Variants in STK32C observed in about 807,000 individuals in gnomAD.
STK32C encodes serine/threonine kinase 32C.
STK32C carries 31 observed loss-of-function variants against 56.5 expected under a neutral mutation model. The ratio of observed to expected loss-of-function variants is 0.55; its 90% confidence interval spans 0.41 to 0.74. The LOEUF (loss-of-function observed/expected upper bound fraction) is 0.74, where lower values mean the gene tolerates loss of function less well. Ranked by LOEUF, STK32C falls within the 30% of genes least tolerant of loss-of-function variation. The pLI is 0.00. For synonymous variants in STK32C, 309 were observed against 289.4 expected (o/e 1.07, Z -0.69); for missense variants, 544 against 676.9 (o/e 0.80, Z 2.18).
chr10:132,307,679 C>G lies in STK32C; in HGVS notation c.155G>C (p.Arg52Pro), dbSNP rs1406083455. The G allele has an allele frequency of 6.6e-7, 1 of 1,519,098 alleles. No homozygotes were observed. The highest frequency in any genetic ancestry group is 2.0e-5 in the Admixed American group (1 of 49,092). 94.1% of individuals were successfully genotyped at this position (1,519,098 alleles called of 1,614,324 possible). ...QPRARDSGDV[R>P]SQPRPLFQWS... is the part of the protein sequence containing the mutation. Reference sequence around the variant, plus strand: ...CTGAAACAGGGGGCGCGGCTGCGAGCGGACATCGCCCGAGTCCCGGGCCCG... The same window carrying G: ...CTGAAACAGGGGGCGCGGCTGCGAGGGGACATCGCCCGAGTCCCGGGCCCG... Residue 52 changes from arginine to proline, a missense_variant, in exon 1 of 12, where the codon CGC becomes CCC. This residue lies in a region of STK32C where 182 missense variants were observed against 217.7 expected (regional missense o/e 0.84). Transcript: ENST00000298630. The surrounding 1 kb of genome is among the most constrained non-coding windows in gnomAD (Gnocchi z 4.4).
At chr10:132,253,402 C>G (rs926763711) in intron 1 of STK32C, among the ~76,000 whole-genome samples, 4 of 138,756 alleles carry the variant, frequency 2.9e-5, no homozygotes, top group African/African-American at 1.2e-4. Flanking sequence ...TGGAGGGAGT[C>G]GAGGGAGCTG....
intron 1 of STK32C, among the ~76,000 whole-genome samples, chr10:132,247,397 G>A (rs1045139143): frequency 2.6e-5 from 4 of 152,198 alleles, no homozygotes; most frequent in African/African-American, 4.8e-5. Context: ...TGGGCCCTGG[G>A]GACAGAGTCA....
intron 2 of STK32C, among the ~76,000 whole-genome samples, chr10:132,239,417 T>C (rs1230164631): frequency 6.6e-6 from 1 of 152,162 alleles, no homozygotes; most frequent in Non-Finnish European, 1.5e-5. Flanking sequence ...AAACAAAGCC[T>C]GTATCAAACC....
intron 2 of STK32C, among the ~76,000 whole-genome samples, chr10:132,228,356 T>C (rs1229888417): frequency 6.6e-6 from 1 of 152,150 alleles, no homozygotes; most frequent in Non-Finnish European, 1.5e-5. Context: ...TTGGAGGCCG[T>C]GATTCTGCCC....
At chr10:132,288,271 C>T (rs1400473998) in intron 1 of STK32C, among the ~76,000 whole-genome samples, 2 of 152,192 alleles carry the variant, frequency 1.3e-5, no homozygotes, top group Non-Finnish European at 2.9e-5. Flanking sequence ...AGGAAAAAAT[C>T]CTTGTGATCA....
intron 10 of STK32C, among the ~76,000 whole-genome samples, chr10:132,209,656 G>A (rs1223974004): frequency 6.6e-6 from 1 of 151,612 alleles, no homozygotes; most frequent in African/African-American, 2.4e-5. Context: ...CCACTTCCCA[G>A]GACGCAGGGG....
upstream of STK32C, among the ~76,000 whole-genome samples, chr10:132,310,135 G>A (rs1056453804): frequency 2.6e-5 from 4 of 152,342 alleles, no homozygotes; most frequent in Admixed American, 2.0e-4. The surrounding 1 kb of genome is among the most constrained non-coding windows in gnomAD (Gnocchi z 4.6). Context: ...GAAGACAAGA[G>A]TGCAGGGGGG....
intron 2 of STK32C, among the ~76,000 whole-genome samples, chr10:132,241,252 G>A (rs1056444900): frequency 2.0e-5 from 3 of 152,224 alleles, no homozygotes; most frequent in Non-Finnish European, 4.4e-5. Flanking sequence ...TGGCTCCAAA[G>A]AGGCATCCAA....
intron 1 of STK32C, among the ~76,000 whole-genome samples, chr10:132,326,731 A>C (rs1245740396): frequency 6.6e-6 from 1 of 152,036 alleles, no homozygotes; most frequent in Non-Finnish European, 1.5e-5. Context: ...CTGAACTAGG[A>C]AGCGCGCCCA....
At chr10:132,330,651 G>C (rs1396308004) in intron 1 of STK32C, among the ~76,000 whole-genome samples, 1 of 149,528 alleles carries the variant, frequency 6.7e-6, no homozygotes, top group Non-Finnish European at 1.5e-5. Flanking sequence ...GGAACTACAG[G>C]TGTGTGCCAC....
intron 1 of STK32C, among the ~76,000 whole-genome samples, chr10:132,252,219 G>A (rs1256122207): frequency 1.3e-5 from 2 of 152,240 alleles, no homozygotes; most frequent in Non-Finnish European, 2.9e-5. Flanking sequence ...CCAGGAAGGA[G>A]GGAGACAACC....
In STK32C at chr10:132,307,427, A is replaced by C; in HGVS notation, c.262+145T>G. ...CCAGAACTCGCGTGGGGCCGCAGCC[A>C]CCCGGCGCGAGCTTCTCCGGAAGCC... On this transcript the variant is annotated intron_variant, in intron 1 of 11. Transcript: ENST00000298630. This position sits in a 1 kb window ranked among gnomAD's most constrained non-coding sequence, Gnocchi z 4.4. 1 of 921,582 alleles carries C rather than the reference A, an allele frequency of 1.1e-6. No homozygotes were observed. Among genetic ancestry groups the C allele is most frequent in the Non-Finnish European group, 1.5e-6 (1 of 683,562 alleles). 57.1% of individuals were successfully genotyped at this position (921,582 alleles called of 1,614,324 possible).
chr10:132,325,338 G>T (rs2066475147), intron 1 of STK32C, among the ~76,000 whole-genome samples: 1 of 152,108 alleles, frequency 6.6e-6, no homozygotes, highest in African/African-American at 2.4e-5. Context: ...GGATCACAAG[G>T]TCAGGAGATC....
At chr10:132,300,413 G>A (rs1435596080) in intron 1 of STK32C, among the ~76,000 whole-genome samples, 3 of 152,198 alleles carry the variant, frequency 2.0e-5, no homozygotes, top group Non-Finnish European at 1.5e-5. Context: ...GGGGTGAGAG[G>A]AGGCTGGATG....
At chr10:132,289,443 A>G (rs762964531) in intron 1 of STK32C, among the ~76,000 whole-genome samples, 1 of 152,264 alleles carries the variant, frequency 6.6e-6, no homozygotes, top group Non-Finnish European at 1.5e-5. Flanking sequence ...TTAAACTCCT[A>G]CAACTTAATA....
In STK32C at chr10:132,246,758, G is replaced by A. The variant is rs1256947006; in HGVS notation, c.263-803C>T. Among the ~76,000 whole-genome samples the A allele has an allele frequency of 2.6e-5, 4 of 152,214 alleles. No individual in the cohort carries two copies. In the East Asian group the frequency reaches 7.7e-4, roughly 29 times the overall value. ...GCCTTTCAAACCCAGGACATTCTCC[G>A]TACACATAAGACGGGGGTCCCACAA... On this transcript the variant is annotated intron_variant, in intron 1 of 11. Transcript: ENST00000298630.
upstream of STK32C, among the ~76,000 whole-genome samples, chr10:132,309,916 A>G (rs1564798235): frequency 1.3e-5 from 2 of 152,208 alleles, no homozygotes; most frequent in African/African-American, 4.8e-5. Flanking sequence ...AAGGGAAGAC[A>G]TGTTAATAGA....
At chr10:132,328,062 G>A (rs1038495025) in intron 1 of STK32C, among the ~76,000 whole-genome samples, 4 of 152,180 alleles carry the variant, frequency 2.6e-5, no homozygotes, top group African/African-American at 9.7e-5. Context: ...CTGCTGCCTA[G>A]ACAGAGCCCA....
At chr10:132,242,311 G>A (rs2063532181) in intron 2 of STK32C, among the ~76,000 whole-genome samples, 1 of 152,128 alleles carries the variant, frequency 6.6e-6, no homozygotes, top group African/African-American at 2.4e-5. Context: ...GGACGAGTGG[G>A]GGGAGTGCAG....
Sources: gnomAD v4.1 joint callset for allele counts (sites outside exome capture counted in the v4.1 genomes callset) on GRCh38, gnomAD v4.1.1 for gene constraint, gnomAD v4.1.1 regional missense constraint, Gnocchi (gnomAD v3.1) non-coding constraint, MANE v1.5 for transcripts, NCBI Gene and HGNC (gene_info 2026-07-23, HGNC 2026-07-21) for gene names.